ROBO1: variants seen among roughly 807,000 people sequenced by gnomAD.
The protein encoded by ROBO1 is roundabout guidance receptor 1, also known as roundabout homolog 1.
Under a neutral mutation model 195.9 loss-of-function variants are expected in ROBO1, and 149 were observed. The observed-to-expected ratio is 0.76, with a 90% CI of 0.67 to 0.87. The LOEUF (loss-of-function observed/expected upper bound fraction) is 0.87, where lower values mean the gene tolerates loss of function less well. Ranked by LOEUF, ROBO1 falls within the 40% of genes least tolerant of loss-of-function variation. The probability of loss-of-function intolerance (pLI) is 0.00; values close to 1 mark genes in which losing one functional copy is unlikely to be tolerated. For missense variants in ROBO1, 1,933 were observed against 2,068.3 expected, an observed-to-expected ratio of 0.93 and a Z score of 1.27; for synonymous variants, 816 against 733.2, an observed-to-expected ratio of 1.11 and a Z score of -1.82.
At chr3:79,173,262 C>T (rs1337928443) in intron 2 of ROBO1, among the ~76,000 whole-genome samples, 1 of 152,118 alleles carries the variant, frequency 6.6e-6, no homozygotes, top group Admixed American at 6.5e-5. Context: ...TTCAGCCCAC[C>T]GCTGCACTGT....
intron 8 of ROBO1, among the ~76,000 whole-genome samples, chr3:78,708,015 G>A (rs1023332617): frequency 1.3e-5 from 2 of 152,150 alleles, no homozygotes; most frequent in Non-Finnish European, 2.9e-5. Context: ...GGGACACAGC[G>A]ATGGGAACAT....
At chr3:78,985,885 T>C (rs1009687873) in intron 3 of ROBO1, among the ~76,000 whole-genome samples, 2 of 152,032 alleles carry the variant, frequency 1.3e-5, no homozygotes, top group African/African-American at 4.8e-5. Context: ...TAGTCAAATA[T>C]CAGCTATACA....
chr3:79,476,345 C>T (rs189374803), intron 2 of ROBO1, among the ~76,000 whole-genome samples: 1 of 152,082 alleles, frequency 6.6e-6, no homozygotes, highest in Non-Finnish European at 1.5e-5. Context: ...CCTTAAAGAA[C>T]TAAATATAGA....
chr3:78,727,428 C>G, intron 5 of ROBO1, among the ~76,000 whole-genome samples: 1 of 152,066 alleles, frequency 6.6e-6, no homozygotes, highest in East Asian at 1.9e-4. Flanking sequence ...AGATTGAGAC[C>G]ATCCTGGCTA....
intron 5 of ROBO1, among the ~76,000 whole-genome samples, chr3:78,732,213 A>G (rs1380353299): frequency 6.6e-6 from 1 of 152,058 alleles, no homozygotes; most frequent in African/African-American, 2.4e-5. Context: ...TTCTCACGCC[A>G]TAAACTACAA....
intron 2 of ROBO1, among the ~76,000 whole-genome samples, chr3:79,447,418 G>C (rs2039298157): frequency 6.6e-6 from 1 of 152,144 alleles, no homozygotes; most frequent in African/African-American, 2.4e-5. Flanking sequence ...TGGATCATGA[G>C]ATCTTCACCA....
intron 1 of ROBO1, among the ~76,000 whole-genome samples, chr3:79,645,823 C>T (rs1056565679): frequency 6.6e-6 from 1 of 152,104 alleles, no homozygotes; most frequent in Non-Finnish European, 1.5e-5. Context: ...ATCCACAAAT[C>T]TATAGTCAAC....
In ROBO1 at chr3:79,352,476, G is replaced by A. The variant is rs558748787; in HGVS notation, c.89-226937C>T. Among the ~76,000 whole-genome samples, 9 of 152,174 alleles carry A rather than the reference G, an allele frequency of 5.9e-5. No homozygotes were observed. In the East Asian group the frequency reaches 1.2e-3, roughly 20 times the overall value. ...GGCTTAACACCGTCAACTAGACTAC[G>A]GACGTTAATCAGATTTCACAAGTTT... On this transcript the variant is annotated intron_variant, in intron 2 of 30. Transcript: ENST00000464233.
chr3:78,649,429 G>C (rs932535782), intron 19 of ROBO1, among the ~76,000 whole-genome samples: 1 of 152,090 alleles, frequency 6.6e-6, no homozygotes. Context: ...AATGCATGTG[G>C]ACAGGGGGTA....
At chr3:79,226,270 C>T (rs538511601) in intron 2 of ROBO1, among the ~76,000 whole-genome samples, 2 of 152,190 alleles carry the variant, frequency 1.3e-5, no homozygotes, top group South Asian at 2.1e-4. Context: ...TGCTCAGAAA[C>T]AGCCACACGG....
chr3:79,513,993 GACA>G (rs1940835148), intron 2 of ROBO1, among the ~76,000 whole-genome samples: 1 of 152,108 alleles, frequency 6.6e-6, no homozygotes, highest in Admixed American at 6.6e-5. Context: ...TTTTGCTGAT[GACA>G]ACAACTGTGA....
At chr3:78,665,037 G>A (rs1707652508) in intron 14 of ROBO1, among the ~76,000 whole-genome samples, 1 of 152,082 alleles carries the variant, frequency 6.6e-6, no homozygotes, top group Admixed American at 6.6e-5. Context: ...TGTCATGTCT[G>A]CTCTGATGTT....
At chr3:79,371,582 C>A (rs1472717183) in intron 2 of ROBO1, among the ~76,000 whole-genome samples, 5 of 151,642 alleles carry the variant, frequency 3.3e-5, no homozygotes, top group Non-Finnish European at 7.4e-5. Flanking sequence ...CCAAAATGCA[C>A]ATGTAAACAT....
chr3:79,093,377 G>T (rs1236537309), intron 3 of ROBO1, among the ~76,000 whole-genome samples: 1 of 152,072 alleles, frequency 6.6e-6, no homozygotes, highest in South Asian at 2.1e-4. Flanking sequence ...TTACTAAAAT[G>T]TAAGTTAAAA....
intron 16 of ROBO1, 134 bp from the exon 17 acceptor site, chr3:78,659,941 G>C: frequency 2.0e-6 from 1 of 501,772 alleles, no homozygotes. Flanking sequence ...TTTTTTTTGA[G>C]ACGGAGGCTC....
At chr3:79,288,728 T>G (rs1399586230) in intron 2 of ROBO1, among the ~76,000 whole-genome samples, 1 of 152,174 alleles carries the variant, frequency 6.6e-6, no homozygotes, top group African/African-American at 2.4e-5. Flanking sequence ...GCCTATATAT[T>G]GCTATTGTTA....
chr3:78,599,130 G>A (rs79796155), intron 30 of ROBO1, among the ~76,000 whole-genome samples: 6,759 of 152,192 alleles, frequency 0.044, 187 homozygotes, highest in Middle Eastern at 0.088. Flanking sequence ...ACCAAACTGG[G>A]TTCTGCACAG....
At chr3:79,734,686 C>A (rs896189103) in intron 1 of ROBO1, among the ~76,000 whole-genome samples, 10 of 152,002 alleles carry the variant, frequency 6.6e-5, no homozygotes, top group Non-Finnish European at 1.5e-4. Context: ...TTGCGGAGTG[C>A]GTACAAGTCA....
At position 79,404,538 on chromosome 3, in the gene ROBO1, A is replaced by G. The variant is rs76158191; in HGVS notation, c.88+185286T>C. ...TTCACCCTGAGACGACAAGCATAGC[A>G]ATGTGAAGAAATGCAAGAAAACAAA... On this transcript the variant is annotated intron_variant, in intron 2 of 30. Transcript: ENST00000464233. 9.8e-3 allele frequency among the ~76,000 whole-genome samples: 1,490 copies of G among 152,234 alleles called. 7 individuals are homozygous for G. The highest frequency in any genetic ancestry group is 0.015 in the Non-Finnish European group (1,038 of 68,002).
Sources: gnomAD v4.1 joint callset for allele counts (sites outside exome capture counted in the v4.1 genomes callset) on GRCh38, gnomAD v4.1.1 for gene constraint, MANE v1.5 for transcripts, NCBI Gene and HGNC (gene_info 2026-07-23, HGNC 2026-07-21) for gene names.